Variants in RBFOX1 observed in about 807,000 individuals in gnomAD.
The protein encoded by RBFOX1 is RNA binding protein fox-1 homolog 1.
Under a neutral mutation model 57.7 loss-of-function variants are expected in RBFOX1, and 8 were observed. The observed-to-expected ratio is 0.14, with a 90% CI of 0.08 to 0.25. RBFOX1 has a LOEUF of 0.25. RBFOX1 is among the 10% of genes least tolerant of loss of function. The pLI is 1.00. For missense variants in RBFOX1, 611 were observed against 548.5 expected (o/e 1.11, Z -1.14); for synonymous variants, 326 against 222.4 (o/e 1.47, Z -4.15).
At chr16:6,475,702 C>T (rs1439879543) in intron 2 of RBFOX1, among the ~76,000 whole-genome samples, 1 of 152,146 alleles carries the variant, frequency 6.6e-6, no homozygotes, top group East Asian at 1.9e-4. Context: ...TGTTCTAATC[C>T]TGCAAACTTT....
intron 1 of RBFOX1, among the ~76,000 whole-genome samples, chr16:6,127,598 C>A (rs940659816): frequency 2.0e-5 from 3 of 152,156 alleles, no homozygotes; most frequent in Admixed American, 2.0e-4. Flanking sequence ...TCATGTGGGA[C>A]CTTTTCAAAT....
intron 4 of RBFOX1, among the ~76,000 whole-genome samples, chr16:7,197,440 G>GAAAAA (rs57893229): frequency 7.7e-5 from 7 of 91,310 alleles, no homozygotes; most frequent in African/African-American, 1.7e-4. Flanking sequence ...CCTGTGAGTG[G>GAAAAA]AAAAAAAAAA....
chr16:6,104,802 T>G (rs942468181), intron 1 of RBFOX1, among the ~76,000 whole-genome samples: 1 of 152,218 alleles, frequency 6.6e-6, no homozygotes, highest in African/African-American at 2.4e-5. Flanking sequence ...GAAAACATTA[T>G]GCACATATTA....
At chr16:6,847,665 C>G (rs1033524323) in intron 3 of RBFOX1, among the ~76,000 whole-genome samples, 6 of 152,146 alleles carry the variant, frequency 3.9e-5, no homozygotes, top group African/African-American at 1.4e-4. Context: ...CACAGCATAA[C>G]TACAAGAGGC....
At chr16:5,817,607 G>A (rs1250866633) in intron 3 of RBFOX1, among the ~76,000 whole-genome samples, 1 of 151,840 alleles carries the variant, frequency 6.6e-6, no homozygotes, top group Non-Finnish European at 1.5e-5. Flanking sequence ...GGAGAGGGGA[G>A]AGAGAAAGGA....
chr16:5,504,627 C>T (rs952343695), intron 2 of RBFOX1, among the ~76,000 whole-genome samples: 6 of 152,204 alleles, frequency 3.9e-5, no homozygotes, highest in Non-Finnish European at 7.3e-5. Context: ...GTAAACCAGG[C>T]ACAAGCACAC....
At chr16:6,283,207 T>C (rs2076572609) in intron 1 of RBFOX1, among the ~76,000 whole-genome samples, 1 of 152,044 alleles carries the variant, frequency 6.6e-6, no homozygotes, top group South Asian at 2.1e-4. Flanking sequence ...GAGGCCTGTA[T>C]TCCCAGCTAC....
chr16:7,328,550 C>T (rs1215073745), intron 4 of RBFOX1: 2 of 149,566 alleles, frequency 1.3e-5, no homozygotes, highest in Non-Finnish European at 3.0e-5. Context: ...GCTAAAATGC[C>T]TTTATCTAGA....
chr16:6,607,295 GC>G (rs2097947673), intron 2 of RBFOX1, among the ~76,000 whole-genome samples: 1 of 152,104 alleles, frequency 6.6e-6, no homozygotes, highest in Non-Finnish European at 1.5e-5. Context: ...AGAAATGTCA[GC>G]TCTCATATTC....
chr16:6,271,163 C>T (rs915271084), intron 1 of RBFOX1, among the ~76,000 whole-genome samples: 4 of 152,318 alleles, frequency 2.6e-5, no homozygotes, highest in Non-Finnish European at 4.4e-5. Flanking sequence ...GTGGCTCACA[C>T]TTGCAATCCC....
intron 1 of RBFOX1, among the ~76,000 whole-genome samples, chr16:6,113,218 C>T (rs1169944001): frequency 5.9e-5 from 9 of 152,172 alleles, no homozygotes; most frequent in Non-Finnish European, 1.3e-4. Context: ...ATTTTCTTCT[C>T]TTGGTGAATT....
At chr16:7,022,447 C>G (rs562309258) in intron 3 of RBFOX1, among the ~76,000 whole-genome samples, 2 of 152,058 alleles carry the variant, frequency 1.3e-5, no homozygotes, top group Admixed American at 1.3e-4. Flanking sequence ...ACATTTCCCT[C>G]TGTCTCTCTG....
Position 6,567,832 on chromosome 16 carries a change from C to A in RBFOX1, c.-63-86771C>A, listed in dbSNP as rs2097288796. On this transcript the variant is annotated intron_variant, in intron 2 of 15. Transcript: ENST00000550418. ...TATTTTTTTAAAATTTTTTAAAATT[C>A]CTTTTTAGAGACAGGGTCTCACTCT... 2.0e-5 allele frequency among the ~76,000 whole-genome samples: 3 copies of A among 152,030 alleles called. No individual in the cohort carries two copies. In the South Asian group the frequency reaches 6.2e-4, roughly 32 times the overall value.
At chr16:5,334,806 G>GTTGGACAA (rs376166092) in intron 1 of RBFOX1, among the ~76,000 whole-genome samples, 44 of 151,624 alleles carry the variant, frequency 2.9e-4, no homozygotes, top group African/African-American at 9.7e-4. Context: ...TAAGCTTAAA[G>GTTGGACAA]TTGGACAATG....
At position 5,863,640 on chromosome 16, in the gene RBFOX1, C is replaced by T. The variant is rs551187231; in HGVS notation, c.319-3663C>T. Among the ~76,000 whole-genome samples, 10 of 152,232 alleles carry T rather than the reference C, an allele frequency of 6.6e-5. No homozygotes were observed. The South Asian group carries it at 1.0e-3, about 16-fold the overall frequency. On this transcript the variant is annotated intron_variant, in intron 3 of 19. Coordinates refer to the RBFOX1 transcript ENST00000641259. ...ACTATGAAATCCACTCTGAATGCAG[C>T]GTAGAGAGGGTTCTAGATACCTAGA... is the stretch of plus-strand genomic sequence containing the variant.
intron 1 of RBFOX1, among the ~76,000 whole-genome samples, chr16:6,167,992 A>G (rs2096930092): frequency 6.6e-6 from 1 of 152,166 alleles, no homozygotes; most frequent in African/African-American, 2.4e-5. Context: ...CTTTAACCTT[A>G]GTGAAATGTC....
intron 1 of RBFOX1, among the ~76,000 whole-genome samples, chr16:6,124,816 C>T (rs1409192528): frequency 6.6e-6 from 1 of 152,164 alleles, no homozygotes; most frequent in East Asian, 1.9e-4. Context: ...GCATGAGTCA[C>T]CGTGCCTGGC....
intron 2 of RBFOX1, among the ~76,000 whole-genome samples, chr16:5,597,820 C>T (rs1010422809): frequency 1.3e-5 from 2 of 152,174 alleles, no homozygotes; most frequent in Non-Finnish European, 2.9e-5. Context: ...CGGTGATTCA[C>T]ATCCCAGTGT....
rs546182144 is a variant in RBFOX1, at chr16:5,763,133, A to G, written c.319-104170A>G. On this transcript the variant is annotated intron_variant, in intron 3 of 19. Coordinates refer to the RBFOX1 transcript ENST00000641259. Reference sequence around the variant, plus strand: ...AGAAAGTAGAACATAAATGCGCCCAACACAAGAATGTGGGGCATCTGGCTG... The same window carrying G: ...AGAAAGTAGAACATAAATGCGCCCAGCACAAGAATGTGGGGCATCTGGCTG... 2.6e-4 allele frequency among the ~76,000 whole-genome samples: 40 copies of G among 152,322 alleles called. 1 individual carries two copies. In the South Asian group the frequency reaches 8.1e-3, roughly 31 times the overall value.
Sources: allele counts gnomAD v4.1 joint callset (sites outside exome capture counted in the v4.1 genomes callset), GRCh38; gene constraint gnomAD v4.1.1; transcripts MANE v1.5; gene names NCBI Gene and HGNC (gene_info 2026-07-23, HGNC 2026-07-21).